PLD5: variants seen among roughly 807,000 people sequenced by gnomAD.
PLD5 encodes the protein inactive phospholipase D5.
In PLD5, 36 loss-of-function variants were observed where a neutral mutation model predicts 61.1. The observed-to-expected ratio is 0.59, with a 90% CI of 0.45 to 0.78. The LOEUF (loss-of-function observed/expected upper bound fraction) is 0.78, where lower values mean the gene tolerates loss of function less well. Among genes scored for constraint, PLD5 ranks in the 30% least tolerant of loss-of-function variants. The probability of loss-of-function intolerance (pLI) is 0.00; values close to 1 mark genes in which losing one functional copy is unlikely to be tolerated. For missense variants in PLD5, 515 were observed against 644.4 expected (o/e 0.80, Z 2.17); for synonymous variants, 243 against 242.8 (o/e 1.00, Z -0.01).
chr1:242,233,635 C>T (rs1416578566), intron 4 of PLD5, among the ~76,000 whole-genome samples: 1 of 152,132 alleles, frequency 6.6e-6, no homozygotes, highest in Admixed American at 6.6e-5. Flanking sequence ...AGGAAGCAAG[C>T]AAGCTAGCTA....
At chr1:242,428,023 G>A (rs1465121035) in intron 1 of PLD5, among the ~76,000 whole-genome samples, 1 of 152,174 alleles carries the variant, frequency 6.6e-6, no homozygotes, top group Non-Finnish European at 1.5e-5. Context: ...AGCTAAAATG[G>A]TGGAAGTTTC....
chr1:242,169,758 CA>C (rs1666604123), intron 5 of PLD5, among the ~76,000 whole-genome samples: 1 of 152,296 alleles, frequency 6.6e-6, no homozygotes, highest in African/African-American at 2.4e-5. Flanking sequence ...GAGGGGAGTC[CA>C]CCATTGCTGA....
chr1:242,231,804 ATTTAC>A (rs1276882190), intron 4 of PLD5, among the ~76,000 whole-genome samples: 7 of 152,192 alleles, frequency 4.6e-5, no homozygotes, highest in Admixed American at 4.6e-4. Flanking sequence ...AAAAGGAATA[ATTTAC>A]TTATAAGACA....
rs368626171 is a variant in PLD5, at chr1:242,386,759, G to T, written c.190-38517C>A. On this transcript the variant is annotated intron_variant, in intron 1 of 9. Transcript: ENST00000536534. ...AAAAGGGGCTTTATAATAGAATTTC[G>T]AGACAATTGAGATTTGAATATAGAC... Among the ~76,000 whole-genome samples the T allele has an allele frequency of 3.7e-4, 56 of 152,280 alleles. 1 individual carries two copies. Among genetic ancestry groups the T allele is most frequent in the African/African-American group, 1.3e-3 (56 of 41,554 alleles).
At chr1:242,141,798 C>T (rs372813259) in intron 5 of PLD5, among the ~76,000 whole-genome samples, 35 of 152,148 alleles carry the variant, frequency 2.3e-4, no homozygotes, top group African/African-American at 8.4e-4. Context: ...GGAGCAGCCT[C>T]CCCTAGAATG....
At chr1:242,215,434 A>G (rs1207541773) in intron 5 of PLD5, among the ~76,000 whole-genome samples, 1 of 152,212 alleles carries the variant, frequency 6.6e-6, no homozygotes, top group Non-Finnish European at 1.5e-5. Flanking sequence ...CACTATTGGC[A>G]CAAACCTTAT....
chr1:242,361,984 T>TGGG (rs1341805231), intron 1 of PLD5, among the ~76,000 whole-genome samples: 1 of 140,796 alleles, frequency 7.1e-6, no homozygotes. Context: ...TTTTTTTTTT[T>TGGG]GGTATAAAAA....
chr1:242,239,426 A>G (rs770418580), intron 4 of PLD5, among the ~76,000 whole-genome samples: 1 of 152,210 alleles, frequency 6.6e-6, no homozygotes, highest in Non-Finnish European at 1.5e-5. Flanking sequence ...GCCCGTTAAC[A>G]CTAAGTGCTT....
At position 242,373,045 on chromosome 1, in the gene PLD5, C is replaced by T. The variant is rs1234654017; in HGVS notation, c.190-24803G>A. Reference sequence around the variant, plus strand: ...GAGAAAATTTTTGCAATCTACTCATCGGACAAAGGGCTAATATCCATAATC... The same window carrying T: ...GAGAAAATTTTTGCAATCTACTCATTGGACAAAGGGCTAATATCCATAATC... On this transcript the variant is annotated intron_variant, in intron 1 of 9. Coordinates refer to ENST00000536534, the MANE Select transcript of PLD5 (RefSeq NM_001372062.1). Among the ~76,000 whole-genome samples the T allele has an allele frequency of 2.6e-5, 4 of 152,230 alleles. No individual in the cohort carries two copies. The East Asian group carries it at 5.8e-4, about 22-fold the overall frequency.
chr1:242,442,129 G>A (rs1056690250), intron 1 of PLD5, among the ~76,000 whole-genome samples: 1 of 152,122 alleles, frequency 6.6e-6, no homozygotes, highest in Admixed American at 6.5e-5. Flanking sequence ...GCATGGACTC[G>A]GTTGCCCAGT....
At chr1:242,504,975 A>G (rs2809990) in intron 1 of PLD5, among the ~76,000 whole-genome samples, 133,960 of 152,002 alleles carry the variant, frequency 0.88, 59,294 homozygotes, top group African/African-American at 0.97. Flanking sequence ...GGACAACACA[A>G]TGATACTCCA....
chr1:242,462,644 C>G (rs1019975014), intron 1 of PLD5, among the ~76,000 whole-genome samples: 9 of 151,864 alleles, frequency 5.9e-5, no homozygotes, highest in African/African-American at 2.2e-4. Context: ...AAAAATGACT[C>G]TCCCCTGGAG....
intron 3 of PLD5, among the ~76,000 whole-genome samples, chr1:242,287,247 G>C (rs1199070412): frequency 1.3e-5 from 2 of 152,052 alleles, no homozygotes; most frequent in Admixed American, 6.6e-5. Flanking sequence ...TCCATCCCCA[G>C]GCAACCCACC....
chr1:242,241,195 T>C (rs540697781), intron 4 of PLD5, among the ~76,000 whole-genome samples: 1 of 152,292 alleles, frequency 6.6e-6, no homozygotes, highest in East Asian at 1.9e-4. Context: ...CCACAAGCAC[T>C]GCCTGTAGTA....
chr1:242,421,041 G>A (rs61845876), intron 1 of PLD5, among the ~76,000 whole-genome samples: 10,721 of 151,654 alleles, frequency 0.071, 528 homozygotes, highest in Admixed American at 0.15. Flanking sequence ...TTAGCCGGGC[G>A]TGGTGGCACG....
intron 2 of PLD5, among the ~76,000 whole-genome samples, chr1:242,337,041 C>T (rs1288893010): frequency 4.6e-5 from 7 of 151,844 alleles, no homozygotes; most frequent in Admixed American, 1.3e-4. Flanking sequence ...AGTAGGTAGA[C>T]GAGCTGAGAT....
chr1:242,497,941 C>CT (rs1367581721), intron 1 of PLD5, among the ~76,000 whole-genome samples: 2 of 144,006 alleles, frequency 1.4e-5, no homozygotes, highest in Non-Finnish European at 3.0e-5. Context: ...ATCAGGTTTT[C>CT]TTTTTATTTC....
At chr1:242,132,212 A>C (rs1663349114) in intron 5 of PLD5, among the ~76,000 whole-genome samples, 1 of 42,742 alleles carries the variant, frequency 2.3e-5, no homozygotes, top group Non-Finnish European at 5.5e-5. Flanking sequence ...GGGGGGCGGA[A>C]TCATTTTTAG....
intron 5 of PLD5, among the ~76,000 whole-genome samples, chr1:242,206,114 C>A (rs1669297695): frequency 6.6e-6 from 1 of 152,210 alleles, no homozygotes; most frequent in African/African-American, 2.4e-5. Flanking sequence ...TACTCAAGTG[C>A]TTGAGCTATT....
Sources: allele counts gnomAD v4.1 joint callset (sites outside exome capture counted in the v4.1 genomes callset), GRCh38; gene constraint gnomAD v4.1.1; transcripts MANE v1.5; gene names NCBI Gene and HGNC (gene_info 2026-07-23, HGNC 2026-07-21).